Variants in PXDN observed in about 807,000 individuals in gnomAD.
The protein encoded by PXDN is peroxidasin homolog.
PXDN carries 77 observed loss-of-function variants against 140.3 expected under a neutral mutation model. The observed-to-expected ratio is 0.55, with a 90% CI of 0.46 to 0.66. The LOEUF (loss-of-function observed/expected upper bound fraction) is 0.66, where lower values mean the gene tolerates loss of function less well. Ranked by LOEUF, PXDN falls within the 30% of genes least tolerant of loss-of-function variation. The pLI, the probability that PXDN is intolerant of heterozygous loss-of-function variation, is 0.00. For missense variants in PXDN, 1,838 were observed against 2,039.5 expected (o/e 0.90, Z 1.90); for synonymous variants, 911 against 857.4 (o/e 1.06, Z -1.09).
In PXDN at chr2:1,649,546, T is replaced by G; in HGVS notation, c.2234A>C (p.Asp745Ala). ...MCFHQKYRTHDGTCNNLQHPM... is the reference protein window; with the variant it reads ...MCFHQKYRTHAGTCNNLQHPM... The stretch of plus-strand genomic sequence containing the variant: ...GTGCTGCAGGTTGTTACAGGTGCCG[T>G]CGTGCGTCCGGTACTTCTGGTGGAA... Residue 745 changes from aspartate to alanine, a missense_variant, in exon 17 of 23, where the codon GAC becomes GCC. Physicochemically the swap from Asp to Ala is moderately radical, Grantham distance 126. Transcript: ENST00000252804. The surrounding 1 kb of genome is among the most constrained non-coding windows in gnomAD (Gnocchi z 7.1). 1 of 1,614,022 alleles carries G rather than the reference T, an allele frequency of 6.2e-7. No homozygotes were observed. The highest frequency in any genetic ancestry group is 1.7e-5 in the Admixed American group (1 of 60,018).
Position 1,634,102 on chromosome 2 carries a change from G to C in PXDN, c.*102C>G. ...GCTGGACGTTGTCATGAAATGTCAC[G>C]AGTTCTGGGTGTTTCCTGGTCTGCA... On this transcript the variant is annotated 3_prime_UTR_variant, in exon 23 of 23. Coordinates refer to ENST00000252804, the MANE Select transcript of PXDN (RefSeq NM_012293.3). 6.8e-7 allele frequency: 1 copy of C among 1,470,964 alleles called. No individual in the cohort carries two copies. Among genetic ancestry groups the C allele is most frequent in the East Asian group, 2.5e-5 (1 of 39,664 alleles). The allele number at this position is 1,470,964 out of a possible 1,614,324, so 91.1% of individuals were successfully genotyped here.
At position 1,634,294 on chromosome 2, in the gene PXDN, A is replaced by G. The variant is rs761981754; in HGVS notation, c.4350T>C (p.Ala1450=). The part of the protein sequence containing the change: ...KDGQVTCFVE[A]CPPATCAVPV... ...GGACAGCACAGGTGGCAGGGGGGCAAGCTTCCACGAAGCAGGTGACCTGCC... is the reference window on the plus strand; with the variant it reads ...GGACAGCACAGGTGGCAGGGGGGCAGGCTTCCACGAAGCAGGTGACCTGCC... The change falls in exon 23 of 23, where the codon GCT becomes GCC. Residue 1450 remains alanine, a synonymous_variant. Coordinates refer to ENST00000252804, the MANE Select transcript of PXDN (RefSeq NM_012293.3). 51 of 1,601,842 alleles carry G rather than the reference A, an allele frequency of 3.2e-5. No individual in the cohort carries two copies. The highest frequency in any genetic ancestry group is 4.2e-5 in the Non-Finnish European group (49 of 1,174,312).
chr2:1,636,128 G>C (rs1682553159), intron 21 of PXDN: 1 of 175,298 alleles, frequency 5.7e-6, no homozygotes, highest in South Asian at 1.4e-4. Context: ...AGCTGCAGCA[G>C]GGACCCTGCA....
At position 1,643,468 on chromosome 2, in the gene PXDN, C is replaced by T. The variant is rs1682775233; in HGVS notation, c.3852G>A (p.Val1284=). 2.5e-6 allele frequency: 4 copies of T among 1,613,984 alleles called. No individual in the cohort carries two copies. Among genetic ancestry groups the T allele is most frequent in the Non-Finnish European group, 3.4e-6 (4 of 1,179,896 alleles). Residue 1284 remains valine (V), a synonymous_variant, in exon 19 of 23, where the codon GTG becomes GTA. Transcript: ENST00000252804. ...CCGCCACCCTGAACACGTCGCTCTG[C>T]ACCCGGGTGATGTTGTCCGCGTTGT... is the stretch of plus-strand genomic sequence containing the variant. ...LCDNADNITR[V]QSDVFRVAEF...
intron 1 of PXDN, among the ~76,000 whole-genome samples, chr2:1,734,443 TGCG>T (rs1685385137): frequency 6.6e-6 from 1 of 152,188 alleles, no homozygotes; most frequent in African/African-American, 2.4e-5. Context: ...CTGGGGTAGC[TGCG>T]GCAATTTCTG....
chr2:1,691,390 G>A (rs181213661), intron 3 of PXDN, among the ~76,000 whole-genome samples: 9 of 152,174 alleles, frequency 5.9e-5, no homozygotes, highest in Admixed American at 1.3e-4. Context: ...AAAATAAATC[G>A]ATTAAAATCA....
chr2:1,724,405 G>C (rs1449606725), intron 1 of PXDN, among the ~76,000 whole-genome samples: 3 of 149,160 alleles, frequency 2.0e-5, no homozygotes, highest in African/African-American at 7.4e-5. Flanking sequence ...AAAACATGTA[G>C]AGTTGGTCAC....
At chr2:1,709,917 C>T (rs1684712834) in intron 1 of PXDN, among the ~76,000 whole-genome samples, 1 of 152,158 alleles carries the variant, frequency 6.6e-6, no homozygotes. Flanking sequence ...TTCCAGCCTC[C>T]ACCACTGTGA....
intron 1 of PXDN, among the ~76,000 whole-genome samples, chr2:1,721,157 T>A (rs1362326103): frequency 1.3e-5 from 2 of 152,146 alleles, no homozygotes; most frequent in African/African-American, 2.4e-5. Flanking sequence ...CATATCTGGG[T>A]GCAGTGGCCC....
intron 2 of PXDN, among the ~76,000 whole-genome samples, chr2:1,692,377 A>G (rs982342333): frequency 2.0e-5 from 3 of 152,212 alleles, no homozygotes; most frequent in Non-Finnish European, 4.4e-5. Context: ...GGGTGGACAG[A>G]CGTGCCAGGA....
chr2:1,656,128 C>G (rs552880539), intron 14 of PXDN, among the ~76,000 whole-genome samples: 1 of 151,748 alleles, frequency 6.6e-6, no homozygotes, highest in Non-Finnish European at 1.5e-5. Flanking sequence ...AAACACCACA[C>G]AAACACACAA....
intron 8 of PXDN, chr2:1,676,607 GT>G (rs1683722612): frequency 2.6e-6 from 1 of 380,840 alleles, no homozygotes; most frequent in African/African-American, 2.0e-5. Context: ...GCTGCCAGAC[GT>G]CAGCAGGCAG....
intron 1 of PXDN, among the ~76,000 whole-genome samples, chr2:1,741,467 G>A (rs2125498255): frequency 6.6e-6 from 1 of 152,268 alleles, no homozygotes; most frequent in Non-Finnish European, 1.5e-5. Flanking sequence ...CTTCACACTT[G>A]CAGCTGAGGG....
chr2:1,715,868 CAT>C (rs1684882584), intron 1 of PXDN, among the ~76,000 whole-genome samples: 1 of 152,190 alleles, frequency 6.6e-6, no homozygotes. Context: ...ATGACACAGA[CAT>C]AGTTTTTTCC....
At position 1,648,573 on chromosome 2, in the gene PXDN, G is replaced by A. The variant is rs1182661077; in HGVS notation, c.3207C>T (p.Ala1069=). The A allele has an allele frequency of 1.9e-6, 3 of 1,613,848 alleles. No homozygotes were observed. Among genetic ancestry groups the A allele is most frequent in the African/African-American group, 2.7e-5 (2 of 75,080 alleles). The change falls in exon 17 of 23, where the codon GCC becomes GCT. Residue 1069 remains alanine, a synonymous_variant. Coordinates refer to ENST00000252804, the MANE Select transcript of PXDN (RefSeq NM_012293.3). This position sits in a 1 kb window ranked among gnomAD's most constrained non-coding sequence, Gnocchi z 8.9. ...TGACAAGCGTGTGGCCAAACCTGAA[G>A]GCCGCGGTGGCGAAGGCGTTGAAGA... is the stretch of plus-strand genomic sequence containing the variant. ...AGIFNAFATA[A]FRFGHTLVNP... is the part of the protein sequence containing the mutation.
intron 6 of PXDN, among the ~76,000 whole-genome samples, chr2:1,681,350 A>C (rs1572154943): frequency 6.7e-6 from 1 of 148,806 alleles, no homozygotes; most frequent in African/African-American, 2.5e-5. Flanking sequence ...CATTTTTCTC[A>C]CTCTTCAAAT....
Position 1,653,708 on chromosome 2 carries a change from G to C in PXDN, c.2024C>G (p.Ala675Gly). The change falls in exon 16 of 23, where the codon GCG becomes GGG. Residue 675 changes from alanine (A) to glycine (G), a missense_variant. By Grantham distance (60) the Ala-to-Gly change is moderately conservative (BLOSUM62 0). This residue lies in a region of PXDN where 537 missense variants were observed against 583.9 expected (regional missense o/e 0.92). Transcript: ENST00000252804. Reference sequence around the variant, plus strand: ...CAATGTCCGTTCAAAGATTTCTCCCGCCCGTGCCTGTTCAACTGTGTAAGG... The same window carrying C: ...CAATGTCCGTTCAAAGATTTCTCCCCCCCGTGCCTGTTCAACTGTGTAAGG... The part of the protein sequence containing the change: ...RDPYTVEQAR[A>G]GEIFERTLQL... 1.2e-6 allele frequency: 2 copies of C among 1,605,968 alleles called. No individual in the cohort carries two copies. The highest frequency in any genetic ancestry group is 4.5e-5 in the East Asian group (2 of 44,706).
At chr2:1,707,616 C>A (rs778213844) in intron 1 of PXDN, among the ~76,000 whole-genome samples, 2 of 152,156 alleles carry the variant, frequency 1.3e-5, no homozygotes, top group African/African-American at 4.8e-5. Context: ...AAAAATGGAA[C>A]AAAAGAAATC....
At chr2:1,655,542 T>C (rs1683112122) in intron 14 of PXDN, among the ~76,000 whole-genome samples, 1 of 149,388 alleles carries the variant, frequency 6.7e-6, no homozygotes. Context: ...CACACACACA[T>C]CTGCCCCTCC....
Sources: allele counts gnomAD v4.1 joint callset (sites outside exome capture counted in the v4.1 genomes callset), GRCh38; gene constraint gnomAD v4.1.1; regional missense constraint gnomAD v4.1.1; non-coding constraint Gnocchi (gnomAD v3.1); transcripts MANE v1.5; gene names NCBI Gene and HGNC (gene_info 2026-07-23, HGNC 2026-07-21).